TUSC3: variants seen among roughly 807,000 people sequenced by gnomAD.
TUSC3 encodes the protein tumor suppressor candidate 3.
TUSC3 carries 45 observed loss-of-function variants against 44.8 expected under a neutral mutation model. That is an observed-to-expected ratio of 1.00 (90% CI 0.79 to 1.29). The LOEUF is 1.29. Ranked by LOEUF, TUSC3 falls within the 50% of genes most tolerant of loss-of-function variation. The probability of loss-of-function intolerance (pLI) is 0.00; values close to 1 mark genes in which losing one functional copy is unlikely to be tolerated. For missense variants in TUSC3, 519 were observed against 437.9 expected (o/e 1.19, Z -1.65); for synonymous variants, 212 against 152.9 (o/e 1.39, Z -2.85).
intron 1 of TUSC3, among the ~76,000 whole-genome samples, chr8:15,616,129 A>G (rs1159377672): frequency 1.3e-5 from 2 of 152,244 alleles, no homozygotes; most frequent in African/African-American, 2.4e-5. Flanking sequence ...TGGTATAGGA[A>G]TAGGTTCAGA....
chr8:15,639,658 CATTT>C (rs1035220357), intron 2 of TUSC3, among the ~76,000 whole-genome samples: 10 of 151,974 alleles, frequency 6.6e-5, no homozygotes, highest in East Asian at 3.9e-4. Context: ...TATTTTTAAG[CATTT>C]ATTCTTGGTT....
intron 2 of TUSC3, among the ~76,000 whole-genome samples, chr8:15,504,895 G>T (rs146083784): frequency 2.6e-5 from 4 of 151,246 alleles, no homozygotes; most frequent in Non-Finnish European, 5.9e-5. Context: ...ATTGTGATTC[G>T]CCCACTTCAG....
At chr8:15,697,431 C>G (rs976581856) in intron 6 of TUSC3, among the ~76,000 whole-genome samples, 1 of 152,148 alleles carries the variant, frequency 6.6e-6, no homozygotes, top group Non-Finnish European at 1.5e-5. Flanking sequence ...TATGAACTTT[C>G]CTCCTTGCAC....
intron 1 of TUSC3, among the ~76,000 whole-genome samples, chr8:15,482,621 C>G (rs79456960): frequency 0.13 from 19,663 of 152,172 alleles, 1,730 homozygotes; most frequent in East Asian, 0.35. Flanking sequence ...CCTGCAAACA[C>G]AACATCCATT....
At chr8:15,451,242 G>T (rs1035612620) in intron 1 of TUSC3, among the ~76,000 whole-genome samples, 2 of 152,072 alleles carry the variant, frequency 1.3e-5, no homozygotes, top group African/African-American at 4.8e-5. Flanking sequence ...CTTTCTCTTA[G>T]TTTCCTGGCA....
chr8:15,509,751 C>T (rs563228914), intron 2 of TUSC3, among the ~76,000 whole-genome samples: 2 of 152,186 alleles, frequency 1.3e-5, no homozygotes, highest in African/African-American at 2.4e-5. Context: ...TTTTGAAGCT[C>T]ATATTACATC....
chr8:15,435,586 G>C (rs1799935467), intron 1 of TUSC3, among the ~76,000 whole-genome samples: 1 of 152,016 alleles, frequency 6.6e-6, no homozygotes, highest in Admixed American at 6.6e-5. Flanking sequence ...CAATTATATT[G>C]AAACTCTTTA....
intron 2 of TUSC3, among the ~76,000 whole-genome samples, chr8:15,508,531 G>A (rs1180857630): frequency 1.6e-5 from 2 of 123,096 alleles, no homozygotes; most frequent in South Asian, 2.7e-4. Context: ...GCGCCATCTC[G>A]GCTCAGTGCA....
At chr8:15,707,176 A>G (rs933662126) in intron 6 of TUSC3, among the ~76,000 whole-genome samples, 1 of 152,040 alleles carries the variant, frequency 6.6e-6, no homozygotes, top group Admixed American at 6.6e-5. Context: ...CATAATGCCT[A>G]CATAAAGTAA....
At position 15,436,444 on chromosome 8, in the gene TUSC3, C is replaced by T. The variant is rs371628378; in HGVS notation, n.91+19139C>T. Among the ~76,000 whole-genome samples the T allele has an allele frequency of 1.3e-3, 194 of 152,290 alleles. 2 individuals are homozygous for T. The highest frequency in any genetic ancestry group is 0.01 in the Middle Eastern group (3 of 294). On this transcript the variant is annotated intron_variant and non_coding_transcript_variant, in intron 1 of 5. Coordinates refer to the TUSC3 transcript ENST00000503191. ...GTGAGGATCTACCATGTTAGACCTC[C>T]GCTTTGCTGTTTTGTTTAGACTAAC...
At chr8:15,631,996 C>T (rs756184483) in intron 2 of TUSC3, among the ~76,000 whole-genome samples, 9 of 152,094 alleles carry the variant, frequency 5.9e-5, no homozygotes, top group Non-Finnish European at 1.0e-4. Context: ...TGTGAGCCAC[C>T]GTACCCGGCC....
chr8:15,436,271 T>C (rs1471616159), intron 1 of TUSC3, among the ~76,000 whole-genome samples: 1 of 152,140 alleles, frequency 6.6e-6, no homozygotes, highest in African/African-American at 2.4e-5. Flanking sequence ...GTTTTGACGG[T>C]TATCAAAAGG....
intron 2 of TUSC3, among the ~76,000 whole-genome samples, chr8:15,646,385 G>T: frequency 6.6e-6 from 1 of 152,016 alleles, no homozygotes; most frequent in African/African-American, 2.4e-5. Flanking sequence ...TGTACGTAGT[G>T]GGGAACATTT....
downstream of TUSC3, among the ~76,000 whole-genome samples, chr8:15,770,377 G>A (rs780556813): frequency 6.6e-6 from 1 of 152,084 alleles, no homozygotes; most frequent in African/African-American, 2.4e-5. Flanking sequence ...ATGGACACAC[G>A]GAGGGGAACA....
the TUSC3 span, among the ~76,000 whole-genome samples, chr8:15,781,053 CAG>C: frequency 2.8e-3 from 429 of 152,282 alleles, 2 homozygotes; most frequent in African/African-American, 9.9e-3. Flanking sequence ...GACAGACAAA[CAG>C]AAGCCCTCCA....
intron 6 of TUSC3, among the ~76,000 whole-genome samples, chr8:15,709,572 T>G (rs930522513): frequency 3.3e-5 from 5 of 151,842 alleles, no homozygotes; most frequent in African/African-American, 4.8e-5. Flanking sequence ...ACTCCATATC[T>G]AAGAGCACGG....
chr8:15,549,320 C>T (rs375040890), intron 1 of TUSC3, among the ~76,000 whole-genome samples: 9 of 151,490 alleles, frequency 5.9e-5, no homozygotes, highest in Non-Finnish European at 1.2e-4. Context: ...ATTACAGGCG[C>T]ACGCCACCAC....
At chr8:15,804,754 GTGA>G in the TUSC3 span, among the ~76,000 whole-genome samples, 1 of 152,120 alleles carries the variant, frequency 6.6e-6, no homozygotes, top group Non-Finnish European at 1.5e-5. Flanking sequence ...GTTGGGTATT[GTGA>G]TGCCTCCTCC....
chr8:15,504,577 GGATATATATATATATA>G (rs1359172614), intron 2 of TUSC3, among the ~76,000 whole-genome samples: 1,401 of 54,674 alleles, frequency 0.026, 18 homozygotes, highest in South Asian at 0.044. Context: ...GCAACTTTCA[GGATATATATATATATA>G]TATATATATA....
Sources: gnomAD v4.1 joint callset for allele counts (sites outside exome capture counted in the v4.1 genomes callset) on GRCh38, gnomAD v4.1.1 for gene constraint, MANE v1.5 for transcripts, NCBI Gene and HGNC (gene_info 2026-07-23, HGNC 2026-07-21) for gene names.